The following SHANK2 variants were observed in gnomAD, a reference collection of about 807,000 sequenced individuals.
SHANK2 encodes SH3 and multiple ankyrin repeat domains protein 2.
A neutral mutation model predicts 133.7 loss-of-function variants in SHANK2; 43 were observed. The ratio of observed to expected loss-of-function variants is 0.32; its 90% confidence interval spans 0.25 to 0.41. The LOEUF (loss-of-function observed/expected upper bound fraction) is 0.41. SHANK2 is among the 10% of genes least tolerant of loss of function. The pLI is 1.00. For synonymous variants in SHANK2, 1,017 were observed against 952.8 expected (o/e 1.07, Z -1.24); for missense variants, 1,994 against 2,235.8 (o/e 0.89, Z 2.18).
At chr11:70,755,340 G>T (rs1025220554) in intron 14 of SHANK2, among the ~76,000 whole-genome samples, 2 of 152,384 alleles carry the variant, frequency 1.3e-5, no homozygotes, top group African/African-American at 4.8e-5. Flanking sequence ...CCAAAGCGCT[G>T]GGATTACAGG....
At chr11:70,933,899 CAAA>C (rs35735097) in intron 10 of SHANK2, among the ~76,000 whole-genome samples, 18 of 123,914 alleles carry the variant, frequency 1.5e-4, no homozygotes, top group Non-Finnish European at 1.0e-4. Context: ...GACTGTGTCT[CAAA>C]AAAAAAAAAA....
At chr11:70,765,451 C>A (rs1375991274) in intron 14 of SHANK2, among the ~76,000 whole-genome samples, 3 of 152,190 alleles carry the variant, frequency 2.0e-5, no homozygotes, top group African/African-American at 7.2e-5. Context: ...TGGGGGAGTT[C>A]ATACAGACAA....
intron 10 of SHANK2, among the ~76,000 whole-genome samples, chr11:70,928,975 G>A (rs1347279384): frequency 1.3e-5 from 2 of 152,170 alleles, no homozygotes; most frequent in African/African-American, 4.8e-5. Flanking sequence ...AGACCCTGGG[G>A]GAGTGCAGAC....
intron 11 of SHANK2, among the ~76,000 whole-genome samples, chr11:70,859,014 G>A (rs1230762752): frequency 2.6e-5 from 4 of 152,200 alleles, no homozygotes; most frequent in African/African-American, 9.7e-5. Context: ...CACTGGTGTT[G>A]GGCCTAGAGT....
chr11:70,641,086 TTTC>T (rs1555006163), intron 17 of SHANK2, among the ~76,000 whole-genome samples: 17 of 147,462 alleles, frequency 1.2e-4, no homozygotes, highest in Non-Finnish European at 4.5e-5. Context: ...TATGCTTTTT[TTTC>T]TTTTTTTCTT....
intron 14 of SHANK2, among the ~76,000 whole-genome samples, chr11:70,707,005 T>G (rs977625144): frequency 3.3e-5 from 5 of 152,002 alleles, no homozygotes; most frequent in African/African-American, 1.2e-4. Flanking sequence ...TCAAAGAAAT[T>G]TACTAAGACA....
At chr11:70,590,024 G>A (rs576455121) in intron 17 of SHANK2, among the ~76,000 whole-genome samples, 33 of 152,252 alleles carry the variant, frequency 2.2e-4, no homozygotes, top group African/African-American at 6.0e-4. Flanking sequence ...GCGCGGTGGC[G>A]GGCGCCTGTA....
intron 11 of SHANK2, among the ~76,000 whole-genome samples, chr11:70,879,112 T>A (rs1381100229): frequency 6.6e-6 from 1 of 152,206 alleles, no homozygotes; most frequent in Non-Finnish European, 1.5e-5. Flanking sequence ...GATGCCTCCA[T>A]CTGGCACCTG....
intron 17 of SHANK2, among the ~76,000 whole-genome samples, chr11:70,589,250 A>C (rs1471416944): frequency 6.6e-6 from 1 of 152,248 alleles, no homozygotes; most frequent in African/African-American, 2.4e-5. Context: ...GGTGACTTTA[A>C]GTTGAAGCTG....
intron 5 of SHANK2, 53 bp downstream of exon 5, chr11:71,113,237 TAAC>T (rs1951919366): frequency 6.9e-7 from 1 of 1,446,158 alleles, no homozygotes; most frequent in African/African-American, 1.4e-5. Context: ...CACAACAAGA[TAAC>T]AAGGAGGACG....
intron 25 of SHANK2, chr11:70,474,681 G>A (rs1555149763): frequency 6.6e-6 from 1 of 152,364 alleles, no homozygotes. Flanking sequence ...GGGAGGGGAG[G>A]AGAGGTGTGG....
chr11:70,881,408 C>G (rs1555072371), intron 11 of SHANK2, among the ~76,000 whole-genome samples: 1 of 151,974 alleles, frequency 6.6e-6, no homozygotes, highest in South Asian at 2.1e-4. Flanking sequence ...AAGATAGACA[C>G]AAATCTTAAA....
intron 2 of SHANK2, among the ~76,000 whole-genome samples, chr11:71,156,869 G>A (rs1952916512): frequency 6.6e-6 from 1 of 152,178 alleles, no homozygotes; most frequent in Non-Finnish European, 1.5e-5. Flanking sequence ...TATGGTCTGA[G>A]TTGCCCATAG....
At chr11:70,643,388 C>T (rs1415652684) in intron 17 of SHANK2, among the ~76,000 whole-genome samples, 2 of 152,018 alleles carry the variant, frequency 1.3e-5, no homozygotes, top group African/African-American at 2.4e-5. Flanking sequence ...ACAGTGAAAA[C>T]CCGTCTCTAC....
chr11:70,613,976 G>A (rs1490009767), intron 17 of SHANK2, among the ~76,000 whole-genome samples: 1 of 152,062 alleles, frequency 6.6e-6, no homozygotes, highest in Non-Finnish European at 1.5e-5. Flanking sequence ...TGTTGGCCAA[G>A]CTAGTCTCCA....
In SHANK2 at chr11:70,472,749, G is replaced by T. The variant is rs1008307782; in HGVS notation, c.*120C>A. The T allele has an allele frequency of 2.0e-4, 200 of 1,007,710 alleles. No individual in the cohort carries two copies. Among genetic ancestry groups the T allele is most frequent in the Non-Finnish European group, 4.1e-5 (26 of 634,258 alleles). The allele number at this position is 1,007,710 out of a possible 1,614,324, so 62.4% of individuals were successfully genotyped here. ...CAACTCAGTATTTCTTTGGGTACCA[G>T]GAGACAAACCCATGGAGTGGGGTTG... On this transcript the variant is annotated 3_prime_UTR_variant, in exon 26 of 26. Transcript: ENST00000601538. This position sits in a 1 kb window ranked among gnomAD's most constrained non-coding sequence, Gnocchi z 4.4.
intron 11 of SHANK2, among the ~76,000 whole-genome samples, chr11:70,859,970 T>G (rs1555067471): frequency 6.6e-6 from 1 of 152,172 alleles, no homozygotes. Context: ...AATTCAGCTT[T>G]GGCAACAACC....
intron 12 of SHANK2, among the ~76,000 whole-genome samples, chr11:70,817,035 G>GC (rs1254469006): frequency 1.4e-4 from 22 of 152,212 alleles, no homozygotes; most frequent in South Asian, 6.2e-4. Flanking sequence ...AGACACTTCT[G>GC]CCCCCCGAAT....
chr11:70,723,836 C>G (rs1946119340), intron 14 of SHANK2, among the ~76,000 whole-genome samples: 1 of 152,096 alleles, frequency 6.6e-6, no homozygotes, highest in Admixed American at 6.6e-5. Flanking sequence ...AAGAAAGAAA[C>G]AAGAGCAGGT....
Sources: allele counts gnomAD v4.1 joint callset (sites outside exome capture counted in the v4.1 genomes callset), GRCh38; gene constraint gnomAD v4.1.1; non-coding constraint Gnocchi (gnomAD v3.1); transcripts MANE v1.5; gene names NCBI Gene and HGNC (gene_info 2026-07-23, HGNC 2026-07-21).